The following CAMKMT variants were observed in gnomAD, a reference collection of about 807,000 sequenced individuals.
The protein encoded by CAMKMT is CaM KMT.
Under a neutral mutation model 48.0 loss-of-function variants are expected in CAMKMT, and 53 were observed. The observed-to-expected ratio is 1.10, with a 90% CI of 0.89 to 1.39. CAMKMT has a LOEUF of 1.39. CAMKMT is among the 40% of genes most tolerant of loss of function. The pLI is 0.00. For missense variants in CAMKMT, 428 were observed against 402.7 expected (o/e 1.06, Z -0.54); for synonymous variants, 165 against 152.3 (o/e 1.08, Z -0.61).
chr2:44,631,561 C>T (rs1439489887), intron 3 of CAMKMT: 5 of 575,840 alleles, frequency 8.7e-6, no homozygotes, highest in Non-Finnish European at 1.5e-5. Flanking sequence ...GCCTCAGCCT[C>T]CCAAAGTGTG....
intron 3 of CAMKMT, among the ~76,000 whole-genome samples, chr2:44,437,738 C>T (rs566750215): frequency 4.7e-5 from 7 of 149,026 alleles, no homozygotes; most frequent in Non-Finnish European, 7.4e-5. Context: ...CCCAGCTACT[C>T]GGGAGGTTGA....
intron 3 of CAMKMT, among the ~76,000 whole-genome samples, chr2:44,666,858 T>G (rs1004056303): frequency 7.2e-5 from 11 of 152,178 alleles, no homozygotes; most frequent in African/African-American, 2.7e-4. Flanking sequence ...TCTGCCCGCC[T>G]CGGCCTCCCA....
chr2:44,382,230 A>G (rs1680321891), intron 2 of CAMKMT, among the ~76,000 whole-genome samples: 1 of 152,054 alleles, frequency 6.6e-6, no homozygotes, highest in Non-Finnish European at 1.5e-5. Flanking sequence ...GGCGTGAGTC[A>G]TCTTGCATTT....
chr2:44,527,234 T>C (rs898873832), intron 3 of CAMKMT, among the ~76,000 whole-genome samples: 2 of 146,968 alleles, frequency 1.4e-5, no homozygotes, highest in Non-Finnish European at 3.0e-5. Flanking sequence ...TAGCTGGGAC[T>C]ACAGGTGAAC....
chr2:44,650,378 T>TA (rs1673992427), intron 3 of CAMKMT, among the ~76,000 whole-genome samples: 1 of 152,158 alleles, frequency 6.6e-6, no homozygotes, highest in Non-Finnish European at 1.5e-5. Context: ...TTAACCTAAC[T>TA]AACAATATCT....
intron 3 of CAMKMT, among the ~76,000 whole-genome samples, chr2:44,476,113 C>G (rs1176211285): frequency 6.6e-6 from 1 of 152,156 alleles, no homozygotes; most frequent in Middle Eastern, 3.4e-3. Flanking sequence ...ATCTAAAATG[C>G]CTTTTGTCCT....
intron 3 of CAMKMT, among the ~76,000 whole-genome samples, chr2:44,613,847 G>A (rs1204799417): frequency 2.0e-5 from 3 of 152,142 alleles, no homozygotes; most frequent in Non-Finnish European, 4.4e-5. Flanking sequence ...CTAGTCATGT[G>A]ATCCCCTTGG....
chr2:44,663,276 C>T (rs941977043), intron 3 of CAMKMT, among the ~76,000 whole-genome samples: 3 of 152,128 alleles, frequency 2.0e-5, no homozygotes, highest in Non-Finnish European at 4.4e-5. Context: ...CATTCATATA[C>T]CTGCTAATTT....
At chr2:44,633,389 G>A (rs1030320844) in intron 3 of CAMKMT, among the ~76,000 whole-genome samples, 5 of 152,096 alleles carry the variant, frequency 3.3e-5, no homozygotes, top group African/African-American at 7.2e-5. Context: ...TTCCTGTGGG[G>A]CATCAATTAT....
intron 3 of CAMKMT, among the ~76,000 whole-genome samples, chr2:44,540,971 C>T (rs1334064443): frequency 1.3e-5 from 2 of 152,168 alleles, no homozygotes; most frequent in African/African-American, 4.8e-5. Flanking sequence ...CCAAAAAGTT[C>T]ATCTTTGTCT....
At chr2:44,743,993 A>T (rs1008280540) in intron 8 of CAMKMT, among the ~76,000 whole-genome samples, 1 of 152,220 alleles carries the variant, frequency 6.6e-6, no homozygotes, top group Non-Finnish European at 1.5e-5. Flanking sequence ...GCAAATTGCA[A>T]ATAATTATGG....
intron 3 of CAMKMT, among the ~76,000 whole-genome samples, chr2:44,578,718 G>A (rs1031538330): frequency 6.6e-6 from 1 of 152,112 alleles, no homozygotes; most frequent in African/African-American, 2.4e-5. Context: ...GATATCTTAG[G>A]GTTGTGAGTC....
At position 44,540,549 on chromosome 2, in the gene CAMKMT, A is replaced by G. The variant is rs149863995; in HGVS notation, c.376+150244A>G. Among the ~76,000 whole-genome samples, 429 of 152,296 alleles carry G rather than the reference A, an allele frequency of 2.8e-3. 1 individual carries two copies. The highest frequency in any genetic ancestry group is 9.8e-3 in the African/African-American group (407 of 41,572). ...GCGGATCCCTTGAGTTCAGGCGTTC[A>G]AGACCAGCCTGGGCAACATGGCAAA... On this transcript the variant is annotated intron_variant, in intron 3 of 10. Coordinates refer to ENST00000378494, the MANE Select transcript of CAMKMT (RefSeq NM_024766.5).
At chr2:44,742,099 G>A (rs891595633) in intron 7 of CAMKMT, among the ~76,000 whole-genome samples, 2 of 152,054 alleles carry the variant, frequency 1.3e-5, no homozygotes, top group African/African-American at 4.8e-5. Flanking sequence ...AAAACTCAGG[G>A]CTGTGATGAG....
intron 3 of CAMKMT, among the ~76,000 whole-genome samples, chr2:44,458,407 TCAAAC>T (rs945927844): frequency 6.6e-6 from 1 of 152,108 alleles, no homozygotes; most frequent in African/African-American, 2.4e-5. Flanking sequence ...TAGAGAGTAA[TCAAAC>T]CAAACCTGTG....
rs865921989 is a variant in CAMKMT at position 44,625,210 on chromosome 2, C to G, written c.377-79073C>G. ...CATTCCAATGGCTATGTAATAGTAT[C>G]TTATTGTGATTTCAATTTGCATTCC... On this transcript the variant is annotated intron_variant, in intron 3 of 10. Coordinates refer to ENST00000378494, the MANE Select transcript of CAMKMT (RefSeq NM_024766.5). 3.9e-5 allele frequency among the ~76,000 whole-genome samples: 6 copies of G among 152,114 alleles called. No individual in the cohort carries two copies. In the South Asian group the frequency reaches 1.2e-3, roughly 32 times the overall value.
At position 44,635,063 on chromosome 2, in the gene CAMKMT, A is replaced by G. The variant is rs138641184; in HGVS notation, c.377-69220A>G. Among the ~76,000 whole-genome samples the G allele has an allele frequency of 2.2e-3, 332 of 152,308 alleles. 2 individuals carry two copies. Among genetic ancestry groups the G allele is most frequent in the African/African-American group, 7.7e-3 (318 of 41,566 alleles). ...ATTCCAGTTTGGATGACAGAGTGGG[A>G]CACTGTTTCAAAAACAATAAATAAA... On this transcript the variant is annotated intron_variant, in intron 3 of 10. Transcript: ENST00000378494.
chr2:44,607,458 G>T (rs1009857161), intron 3 of CAMKMT, among the ~76,000 whole-genome samples: 3 of 152,044 alleles, frequency 2.0e-5, no homozygotes, highest in Non-Finnish European at 4.4e-5. Flanking sequence ...TGCATGTGTC[G>T]CATTTGCATA....
intron 7 of CAMKMT, among the ~76,000 whole-genome samples, chr2:44,735,296 G>T (rs1302430708): frequency 6.6e-6 from 1 of 152,128 alleles, no homozygotes; most frequent in African/African-American, 2.4e-5. Flanking sequence ...GTTTTGTCCA[G>T]TCTGACACAC....
Sources: allele counts gnomAD v4.1 joint callset (sites outside exome capture counted in the v4.1 genomes callset), GRCh38; gene constraint gnomAD v4.1.1; transcripts MANE v1.5; gene names NCBI Gene and HGNC (gene_info 2026-07-23, HGNC 2026-07-21).